NOS1AP: variants seen among roughly 807,000 people sequenced by gnomAD.
The protein encoded by NOS1AP is nitric oxide synthase 1 adaptor protein, also known as carboxyl-terminal PDZ ligand of neuronal nitric oxide synthase protein.
A neutral mutation model predicts 56.2 loss-of-function variants in NOS1AP; 21 were observed. That is an observed-to-expected ratio of 0.37 (90% confidence interval 0.26 to 0.54). The LOEUF (loss-of-function observed/expected upper bound fraction) is 0.54, where lower values mean the gene tolerates loss of function less well. Among genes scored for constraint, NOS1AP ranks in the 20% least tolerant of loss-of-function variants. The pLI, the probability that NOS1AP is intolerant of heterozygous loss-of-function variation, is 0.84. For synonymous variants in NOS1AP, 270 were observed against 274.6 expected (o/e 0.98, Z 0.17); for missense variants, 522 against 657.8 (o/e 0.79, Z 2.26).
chr1:162,243,538 C>T (rs778563140), intron 2 of NOS1AP, among the ~76,000 whole-genome samples: 2 of 152,126 alleles, frequency 1.3e-5, no homozygotes, highest in African/African-American at 2.4e-5. Context: ...CCTTTCAAAT[C>T]GGTCTGCCTC....
chr1:162,362,311 T>C (rs1376348935), intron 8 of NOS1AP, among the ~76,000 whole-genome samples: 2 of 151,666 alleles, frequency 1.3e-5, no homozygotes, highest in Non-Finnish European at 2.9e-5. Flanking sequence ...ATTAGCTAGG[T>C]GTGGTGGCGG....
rs376666929 is a variant in NOS1AP at position 162,344,014 on chromosome 1, C to T, written c.595+38C>T. 4.5e-5 allele frequency: 73 copies of T among 1,610,858 alleles called. No homozygotes were observed. In the African/African-American group the frequency reaches 9.6e-4, roughly 21 times the overall value. ...GCTTCTGTGGATGTGGGTGGGAAGGCAGTGCACACAGTAGGCTCTGGTGGA... is the reference window on the plus strand; with the variant it reads ...GCTTCTGTGGATGTGGGTGGGAAGGTAGTGCACACAGTAGGCTCTGGTGGA... On this transcript the variant is annotated intron_variant, in intron 6 of 9. Coordinates refer to ENST00000361897, the MANE Select transcript of NOS1AP (RefSeq NM_014697.3).
chr1:162,365,052 C>G (rs1658023038), intron 8 of NOS1AP: 1 of 1,174,820 alleles, frequency 8.5e-7, no homozygotes, highest in Non-Finnish European at 1.1e-6. Context: ...AGGGATGGAG[C>G]ACCGTGCGTG....
At chr1:162,128,010 G>C (rs1355865814) in intron 1 of NOS1AP, among the ~76,000 whole-genome samples, 1 of 151,958 alleles carries the variant, frequency 6.6e-6, no homozygotes, top group Non-Finnish European at 1.5e-5. Context: ...TACATAGTTT[G>C]TATGCTTTTA....
intron 4 of NOS1AP, among the ~76,000 whole-genome samples, chr1:162,305,313 C>T (rs2101759598): frequency 6.6e-6 from 1 of 152,130 alleles, no homozygotes; most frequent in Non-Finnish European, 1.5e-5. Flanking sequence ...TTTTTTTAGC[C>T]CCGGTCACCT....
chr1:162,280,418 A>T (rs1654882056), intron 2 of NOS1AP, among the ~76,000 whole-genome samples: 1 of 152,246 alleles, frequency 6.6e-6, no homozygotes. Context: ...TGCAAATAAA[A>T]ATGTATAATA....
chr1:162,229,416 G>T lies in NOS1AP; in HGVS notation c.178-57928G>T, dbSNP rs564235290. ...ACATGTTTTCCTATGGCCAATTAGG[G>T]TACCCAGAATGGTATGTCTGCCTCT... On this transcript the variant is annotated intron_variant, in intron 2 of 9. Transcript: ENST00000361897. Among the ~76,000 whole-genome samples, 23 of 152,224 alleles carry T rather than the reference G, an allele frequency of 1.5e-4. 1 individual carries two copies. Among genetic ancestry groups the T allele is most frequent in the African/African-American group, 4.6e-4 (19 of 41,536 alleles).
At chr1:162,232,256 G>T (rs1653145702) in intron 2 of NOS1AP, among the ~76,000 whole-genome samples, 1 of 152,170 alleles carries the variant, frequency 6.6e-6, no homozygotes, top group Non-Finnish European at 1.5e-5. Context: ...CGAGGTGGCA[G>T]AAAACCTAAT....
At chr1:162,351,005 ATGT>A (rs777421053) in intron 6 of NOS1AP, among the ~76,000 whole-genome samples, 6 of 152,198 alleles carry the variant, frequency 3.9e-5, no homozygotes, top group Non-Finnish European at 8.8e-5. Flanking sequence ...ATGTACACAA[ATGT>A]TGTTTCATGC....
intron 2 of NOS1AP, among the ~76,000 whole-genome samples, chr1:162,209,910 A>G (rs1652291393): frequency 6.6e-6 from 1 of 152,142 alleles, no homozygotes; most frequent in African/African-American, 2.4e-5. Context: ...GAGGGAAGGA[A>G]TTCTTCATCA....
intron 1 of NOS1AP, among the ~76,000 whole-genome samples, chr1:162,130,622 A>T (rs1299476859): frequency 1.3e-5 from 2 of 152,170 alleles, no homozygotes; most frequent in African/African-American, 2.4e-5. Flanking sequence ...GACTTATTTA[A>T]GGCAAGGAAA....
chr1:162,150,165 C>T (rs1029258242), intron 1 of NOS1AP, among the ~76,000 whole-genome samples: 2 of 152,114 alleles, frequency 1.3e-5, no homozygotes, highest in Non-Finnish European at 2.9e-5. Flanking sequence ...AACCATTGTT[C>T]TACTCTCTCT....
At chr1:162,355,483 C>A in intron 7 of NOS1AP, 130 bp downstream of exon 7, 1 of 1,110,354 alleles carries the variant, frequency 9.0e-7, no homozygotes, top group Non-Finnish European at 1.3e-6. Flanking sequence ...CCAGAGCGCA[C>A]TTCATTGCCT....
chr1:162,123,429 C>T (rs1184682009), intron 1 of NOS1AP, among the ~76,000 whole-genome samples: 1 of 152,204 alleles, frequency 6.6e-6, no homozygotes, highest in Non-Finnish European at 1.5e-5. Flanking sequence ...GCCTCGGCCT[C>T]CCAAAGTGCT....
intron 1 of NOS1AP, among the ~76,000 whole-genome samples, chr1:162,082,098 C>T (rs1233977550): frequency 6.6e-6 from 1 of 151,966 alleles, no homozygotes; most frequent in Non-Finnish European, 1.5e-5. Flanking sequence ...CAACCTCTAC[C>T]CTCTGAAAGG....
intron 2 of NOS1AP, among the ~76,000 whole-genome samples, chr1:162,229,280 C>A (rs971535409): frequency 6.6e-6 from 1 of 152,104 alleles, no homozygotes; most frequent in Admixed American, 6.5e-5. Flanking sequence ...GAACACAACT[C>A]TTGGTTAGTA....
At position 162,233,718 on chromosome 1, in the gene NOS1AP, T is replaced by C. The variant is rs149975671; in HGVS notation, c.178-53626T>C. On this transcript the variant is annotated intron_variant, in intron 2 of 9. Transcript: ENST00000361897. Reference sequence around the variant, plus strand: ...ATAGATATGACTTTCTGGGACTTTATTTGCAAGGCAGTGTTTTGAACTCAA... The same window carrying C: ...ATAGATATGACTTTCTGGGACTTTACTTGCAAGGCAGTGTTTTGAACTCAA... Among the ~76,000 whole-genome samples the C allele has an allele frequency of 6.6e-5, 10 of 152,336 alleles. No individual in the cohort carries two copies. The East Asian group carries it at 1.9e-3, about 29-fold the overall frequency.
chr1:162,347,803 G>T (rs546122344), intron 6 of NOS1AP, among the ~76,000 whole-genome samples: 14 of 152,164 alleles, frequency 9.2e-5, no homozygotes, highest in African/African-American at 3.4e-4. Flanking sequence ...GCTCCTTCCT[G>T]CCCTGAACAT....
At chr1:162,119,430 C>T (rs1287606824) in intron 1 of NOS1AP, among the ~76,000 whole-genome samples, 8 of 152,150 alleles carry the variant, frequency 5.3e-5, no homozygotes, top group Non-Finnish European at 1.5e-5. Context: ...TATATGGTGT[C>T]CTTGCTTTTA....
Sources: allele counts gnomAD v4.1 joint callset (sites outside exome capture counted in the v4.1 genomes callset), GRCh38; gene constraint gnomAD v4.1.1; transcripts MANE v1.5; gene names NCBI Gene and HGNC (gene_info 2026-07-23, HGNC 2026-07-21).